Variants in ZCCHC14 observed in about 807,000 individuals in gnomAD.
ZCCHC14 encodes zinc finger CCHC domain-containing protein 14.
In ZCCHC14, 16 loss-of-function variants were observed where a neutral mutation model predicts 85.0. That is an observed-to-expected ratio of 0.19 (90% CI 0.13 to 0.29). ZCCHC14 has a LOEUF of 0.29. Ranked by LOEUF, ZCCHC14 falls within the 10% of genes least tolerant of loss-of-function variation. The probability of loss-of-function intolerance (pLI) is 1.00; values close to 1 mark genes in which losing one functional copy is unlikely to be tolerated. For synonymous variants in ZCCHC14, 775 were observed against 630.7 expected, an observed-to-expected ratio of 1.23 and a Z score of -3.43; for missense variants, 1,303 against 1,443.5, an observed-to-expected ratio of 0.90 and a Z score of 1.58.
In ZCCHC14 at chr16:87,492,498, G is replaced by C. The variant is rs1348870396; in HGVS notation, c.-260C>G. 3 of 145,206 alleles carry C rather than the reference G, an allele frequency of 2.1e-5. No homozygotes were observed. The highest frequency in any genetic ancestry group is 4.9e-5 in the African/African-American group (2 of 40,538). 9.0% of individuals were successfully genotyped at this position (145,206 alleles called of 1,614,324 possible). A position where few individuals can be genotyped will look rare whatever the true frequency, so the allele number is the denominator to read the frequency against. ...GGGGCCCGGGGCGGCCGGGGCGGCC[G>C]GGGGCGGCGAGCGGCCTCGGGCCCC... is the stretch of plus-strand genomic sequence containing the variant. On this transcript the variant is annotated 5_prime_UTR_variant, in exon 1 of 13. Coordinates refer to ENST00000671377, the MANE Select transcript of ZCCHC14 (RefSeq NM_015144.3). This position sits in a 1 kb window ranked among gnomAD's most constrained non-coding sequence, Gnocchi z 6.7.
At chr16:87,416,024 T>A (rs1908765933) in intron 8 of ZCCHC14, among the ~76,000 whole-genome samples, 1 of 152,126 alleles carries the variant, frequency 6.6e-6, no homozygotes, top group South Asian at 2.1e-4. Context: ...CCTCCCGGGT[T>A]CAAGTAATTC....
In ZCCHC14 at chr16:87,408,434, G is replaced by GCCT. The variant is rs1908297040; in HGVS notation, c.*1845_*1846insAGG. ...TAAGTCTTCCTTAAACGTAATATGAGAAGGTCCAGTCTAGTACTCTTTAAG... is the reference window on the plus strand; with the variant it reads ...TAAGTCTTCCTTAAACGTAATATGAGCCTAAGGTCCAGTCTAGTACTCTTTAAG... On this transcript the variant is annotated 3_prime_UTR_variant, in exon 13 of 13. Transcript: ENST00000671377. 1 of 152,556 alleles carries GCCT rather than the reference G, an allele frequency of 6.6e-6. No homozygotes were observed. The highest frequency in any genetic ancestry group is 1.9e-4 in the East Asian group (1 of 5,200). The allele number at this position is 152,556 out of a possible 1,614,324, so 9.5% of individuals were successfully genotyped here. A position where few individuals can be genotyped will look rare whatever the true frequency, so the allele number is the denominator to read the frequency against.
At chr16:87,466,471 T>A (rs1305581038) in intron 1 of ZCCHC14, among the ~76,000 whole-genome samples, 1 of 152,240 alleles carries the variant, frequency 6.6e-6, no homozygotes, top group Non-Finnish European at 1.5e-5. Flanking sequence ...CTTTTCTTTG[T>A]GCCAGCGACC....
intron 1 of ZCCHC14, among the ~76,000 whole-genome samples, chr16:87,478,797 G>T (rs111759625): frequency 6.6e-6 from 1 of 151,732 alleles, no homozygotes; most frequent in Non-Finnish European, 1.5e-5. Flanking sequence ...AGTAGAGATG[G>T]GGTTTTACCA....
chr16:87,420,635 T>C lies in ZCCHC14; in HGVS notation c.922A>G (p.Asn308Asp), dbSNP rs774513152. ...AGGCCTGAGTCCAGATCCACGTGGTTTCGCTCCACATAAAATGCGTCCGGA... is the reference window on the plus strand; with the variant it reads ...AGGCCTGAGTCCAGATCCACGTGGTCTCGCTCCACATAAAATGCGTCCGGA... ...AGPDAFYVERNHVDLDSGLRY... is the reference protein window; with the variant it reads ...AGPDAFYVERDHVDLDSGLRY... The change falls in exon 5 of 13, where the codon AAC (asparagine) becomes GAC (aspartate). Residue 308 changes from asparagine to aspartate, a missense_variant. Around this residue, in one of 7 missense-constraint regions of ZCCHC14, gnomAD observed 389 missense variants for 397.8 expected, o/e 0.98. Transcript: ENST00000671377. The surrounding 1 kb of genome is among the most constrained non-coding windows in gnomAD (Gnocchi z 5.0). 2 of 1,613,830 alleles carry C rather than the reference T, an allele frequency of 1.2e-6. No homozygotes were observed. Among genetic ancestry groups the C allele is most frequent in the East Asian group, 4.5e-5 (2 of 44,876 alleles).
At chr16:87,456,424 T>G (rs914653107) in intron 2 of ZCCHC14, among the ~76,000 whole-genome samples, 2 of 148,832 alleles carry the variant, frequency 1.3e-5, no homozygotes, top group Non-Finnish European at 3.0e-5. Flanking sequence ...CAGCAGCTAC[T>G]CCGGAGGCTG....
chr16:87,470,804 C>T (rs533649902), intron 1 of ZCCHC14: 1 of 152,326 alleles, frequency 6.6e-6, no homozygotes, highest in Non-Finnish European at 1.5e-5. Flanking sequence ...CAGTTGTGTG[C>T]AAACAGGCAC....
chr16:87,444,038 GAAAAAAAA>G (rs56352252), intron 2 of ZCCHC14, among the ~76,000 whole-genome samples: 2,294 of 77,120 alleles, frequency 0.03, 28 homozygotes, highest in Middle Eastern at 0.075. Context: ...CTCTATCACA[GAAAAAAAA>G]AAAAAAAAAA....
At chr16:87,426,305 A>T (rs1283577985) in intron 3 of ZCCHC14, among the ~76,000 whole-genome samples, 2 of 152,248 alleles carry the variant, frequency 1.3e-5, no homozygotes, top group Non-Finnish European at 2.9e-5. Flanking sequence ...CTATGGGGAC[A>T]CGTGTCCAAC....
At chr16:87,419,993 A>C in intron 5 of ZCCHC14, 116 bp from the exon 6 acceptor site, 1 of 762,154 alleles carries the variant, frequency 1.3e-6, no homozygotes, top group East Asian at 2.9e-5. Context: ...AAAAAGCCAG[A>C]AGTGCCAGAG....
intron 4 of ZCCHC14, 145 bp downstream of exon 4, chr16:87,423,665 T>C: frequency 1.2e-6 from 1 of 832,594 alleles, no homozygotes; most frequent in Non-Finnish European, 1.9e-6. Context: ...GGCCTGGGAC[T>C]CCACTGTGGC....
At chr16:87,415,928 T>G (rs959405317) in intron 8 of ZCCHC14, among the ~76,000 whole-genome samples, 11 of 152,088 alleles carry the variant, frequency 7.2e-5, no homozygotes, top group African/African-American at 2.7e-4. Flanking sequence ...TTTTGTTTGT[T>G]TGTTTTTTTG....
intron 1 of ZCCHC14, among the ~76,000 whole-genome samples, chr16:87,476,452 T>C (rs191712200): frequency 1.8e-3 from 276 of 152,238 alleles, no homozygotes; most frequent in Admixed American, 0.017. Context: ...ATGTAACATG[T>C]ACACTTGCCA....
At chr16:87,454,151 C>T (rs1910839854) in intron 2 of ZCCHC14, among the ~76,000 whole-genome samples, 1 of 152,162 alleles carries the variant, frequency 6.6e-6, no homozygotes, top group Non-Finnish European at 1.5e-5. Flanking sequence ...AACTGAGCTT[C>T]ACCTCAGATC....
At chr16:87,436,223 T>C (rs1909913373) in intron 2 of ZCCHC14, among the ~76,000 whole-genome samples, 1 of 152,242 alleles carries the variant, frequency 6.6e-6, no homozygotes, top group African/African-American at 2.4e-5. Context: ...AGCAGATGAA[T>C]GTTATTCAGC....
In ZCCHC14 at chr16:87,411,975, CGGGCTGCGGGGGTGCCGG is replaced by C. The variant is rs1908474085; in HGVS notation, c.2728_2745del (p.Pro910_Pro915del). ...ACAATGCAGCCTGGCGGGGGTGGGG[CGGGCTGCGGGGGTGCCGG>C]GGGCTGCTGATGGTGGTGGTGGTGG... On this transcript the variant is annotated inframe_deletion, in exon 12 of 13. Transcript: ENST00000671377. The C allele has an allele frequency of 6.2e-7, 1 of 1,603,136 alleles. No individual in the cohort carries two copies.
chr16:87,460,680 G>A (rs1474388300), intron 1 of ZCCHC14, among the ~76,000 whole-genome samples: 1 of 151,848 alleles, frequency 6.6e-6, no homozygotes, highest in Admixed American at 6.6e-5. Flanking sequence ...ACAGAGTAAG[G>A]CTCTATCTCC....
Position 87,411,718 on chromosome 16 carries a change from C to T in ZCCHC14, c.3003G>A (p.Leu1001=), listed in dbSNP as rs1460309189. ...YSSSGTPDPV[L]SGQSTFAVPP... Reference sequence around the variant, plus strand: ...GCACGGCAAACGTGGACTGCCCACTCAGGACAGGGTCTGGGGTCCCGCTGC... The same window carrying T: ...GCACGGCAAACGTGGACTGCCCACTTAGGACAGGGTCTGGGGTCCCGCTGC... The change falls in exon 12 of 13, where the codon CTG becomes CTA. Residue 1001 remains leucine (L), a synonymous_variant. Coordinates refer to ENST00000671377, the MANE Select transcript of ZCCHC14 (RefSeq NM_015144.3). 6.2e-7 allele frequency: 1 copy of T among 1,613,938 alleles called. No individual in the cohort carries two copies. The highest frequency in any genetic ancestry group is 8.5e-7 in the Non-Finnish European group (1 of 1,180,038).
chr16:87,424,266 G>C (rs957652833), intron 3 of ZCCHC14, among the ~76,000 whole-genome samples: 4 of 152,046 alleles, frequency 2.6e-5, no homozygotes, highest in African/African-American at 9.7e-5. Flanking sequence ...CATTCCCAGA[G>C]AGCAGCCCTT....
Sources: allele counts gnomAD v4.1 joint callset (sites outside exome capture counted in the v4.1 genomes callset), GRCh38; gene constraint gnomAD v4.1.1; regional missense constraint gnomAD v4.1.1; non-coding constraint Gnocchi (gnomAD v3.1); transcripts MANE v1.5; gene names NCBI Gene and HGNC (gene_info 2026-07-23, HGNC 2026-07-21).